The following KCNMB2 variants were observed in gnomAD, a reference collection of about 807,000 sequenced individuals.
KCNMB2 encodes the protein calcium-activated potassium channel subunit beta-2.
Under a neutral mutation model 24.5 loss-of-function variants are expected in KCNMB2, and 9 were observed. That is an observed-to-expected ratio of 0.37 (90% CI 0.22 to 0.64). The LOEUF is 0.64. Among genes scored for constraint, KCNMB2 ranks in the 30% least tolerant of loss-of-function variants. The pLI, the probability that KCNMB2 is intolerant of heterozygous loss-of-function variation, is 0.63. For missense variants in KCNMB2, 226 were observed against 284.3 expected (o/e 0.79, Z 1.47); for synonymous variants, 109 against 104.4 (o/e 1.04, Z -0.27).
At chr3:178,672,312 G>A (rs1038362475) in intron 1 of KCNMB2, among the ~76,000 whole-genome samples, 22 of 152,184 alleles carry the variant, frequency 1.4e-4, no homozygotes, top group Admixed American at 9.2e-4. Context: ...CCATCTTACA[G>A]ACAAGGAAAT....
chr3:178,594,391 T>C (rs764840957), intron 1 of KCNMB2, among the ~76,000 whole-genome samples: 4 of 152,036 alleles, frequency 2.6e-5, no homozygotes, highest in East Asian at 1.9e-4. Context: ...GCAGTGAAGA[T>C]GGTGGGAAGT....
At chr3:178,710,902 C>T (rs1469497868) in intron 1 of KCNMB2, among the ~76,000 whole-genome samples, 2 of 152,062 alleles carry the variant, frequency 1.3e-5, no homozygotes, top group Non-Finnish European at 2.9e-5. Context: ...TTACTCAACC[C>T]ACATTTAATA....
At position 178,577,515 on chromosome 3, in the gene KCNMB2, T is replaced by A. The variant is rs561599068; in HGVS notation, c.-68+40804T>A. On this transcript the variant is annotated intron_variant, in intron 1 of 4. Transcript: ENST00000452583. The stretch of plus-strand genomic sequence containing the variant: ...CAAGGGAACAAAAGTGGACAGAGAA[T>A]GAGTTTGATGAATTGACAGAAGTAG... Among the ~76,000 whole-genome samples the A allele has an allele frequency of 2.0e-5, 3 of 152,270 alleles. No individual in the cohort carries two copies. In the South Asian group the frequency reaches 6.2e-4, roughly 32 times the overall value.
At chr3:178,732,958 C>G (rs1437151825) in intron 1 of KCNMB2, among the ~76,000 whole-genome samples, 2 of 151,986 alleles carry the variant, frequency 1.3e-5, no homozygotes, top group Non-Finnish European at 2.9e-5. Context: ...GGATGAGGAG[C>G]AGTGATGGGG....
intron 4 of KCNMB2, among the ~76,000 whole-genome samples, chr3:178,836,882 C>T (rs1043429953): frequency 2.0e-5 from 3 of 152,032 alleles, no homozygotes; most frequent in African/African-American, 7.2e-5. Context: ...GTATATCTCA[C>T]TTAGTAAAGT....
rs114252823 is a variant in KCNMB2 at position 178,675,973 on chromosome 3, G to A, written c.-67-131370G>A. 5.8e-3 allele frequency among the ~76,000 whole-genome samples: 876 copies of A among 152,156 alleles called. 8 individuals carry two copies. The highest frequency in any genetic ancestry group is 0.018 in the African/African-American group (749 of 41,506). On this transcript the variant is annotated intron_variant, in intron 1 of 4. Transcript: ENST00000452583. ...TAATTGTTCAAAATACTTATTACCC[G>A]CACTCTGAAGATGAGAATACTGAGG... is the stretch of plus-strand genomic sequence containing the variant.
chr3:178,659,232 T>C (rs1013009739), intron 1 of KCNMB2, among the ~76,000 whole-genome samples: 1 of 152,244 alleles, frequency 6.6e-6, no homozygotes, highest in Admixed American at 6.5e-5. Flanking sequence ...ACAGAAGCAT[T>C]ATATTATGCA....
intron 1 of KCNMB2, among the ~76,000 whole-genome samples, chr3:178,613,652 T>C (rs964958816): frequency 6.6e-6 from 1 of 152,162 alleles, no homozygotes; most frequent in Admixed American, 6.5e-5. Flanking sequence ...TGCCACTCTC[T>C]CCTGCACTGT....
intron 1 of KCNMB2, among the ~76,000 whole-genome samples, chr3:178,740,767 G>A (rs1723469748): frequency 6.6e-6 from 1 of 152,118 alleles, no homozygotes; most frequent in South Asian, 2.1e-4. Context: ...CACACATGTT[G>A]AGCACCTGCC....
At chr3:178,552,793 G>A (rs1716002911) in intron 1 of KCNMB2, among the ~76,000 whole-genome samples, 1 of 152,136 alleles carries the variant, frequency 6.6e-6, no homozygotes, top group South Asian at 2.1e-4. Context: ...CAAAAGCAAT[G>A]TCCTAATAAG....
intron 1 of KCNMB2, among the ~76,000 whole-genome samples, chr3:178,721,493 A>G (rs982935601): frequency 2.6e-5 from 4 of 152,188 alleles, no homozygotes; most frequent in Non-Finnish European, 5.9e-5. Context: ...ATATTTCAAT[A>G]GTTGCAGTTT....
chr3:178,690,647 C>G (rs1577100289), intron 1 of KCNMB2, among the ~76,000 whole-genome samples: 1 of 152,228 alleles, frequency 6.6e-6, no homozygotes, highest in African/African-American at 2.4e-5. Flanking sequence ...GGAAAATTAG[C>G]CTTGGATTAT....
chr3:178,740,422 C>G (rs147004991), intron 1 of KCNMB2, among the ~76,000 whole-genome samples: 2 of 152,032 alleles, frequency 1.3e-5, no homozygotes, highest in Non-Finnish European at 2.9e-5. Flanking sequence ...GCCTGGCCCC[C>G]GTAAACATTT....
chr3:178,774,653 C>G (rs575358785), intron 1 of KCNMB2, among the ~76,000 whole-genome samples: 2 of 152,170 alleles, frequency 1.3e-5, no homozygotes, highest in African/African-American at 2.4e-5. Context: ...AGGGCACCCC[C>G]GCTCTGGACT....
intron 1 of KCNMB2, among the ~76,000 whole-genome samples, chr3:178,768,865 A>T (rs1243830592): frequency 6.6e-6 from 1 of 152,212 alleles, no homozygotes. Flanking sequence ...ATACTCATCA[A>T]TTCAGTGTAT....
At chr3:178,816,774 T>C (rs77470737) in intron 2 of KCNMB2, among the ~76,000 whole-genome samples, 1 of 152,152 alleles carries the variant, frequency 6.6e-6, no homozygotes, top group African/African-American at 2.4e-5. Flanking sequence ...TCTGTAGATG[T>C]CATTCTAGTT....
chr3:178,579,405 C>T (rs1411603771), intron 1 of KCNMB2, among the ~76,000 whole-genome samples: 2 of 152,096 alleles, frequency 1.3e-5, no homozygotes, highest in African/African-American at 4.8e-5. Flanking sequence ...TAAATGCCCA[C>T]AGGAGAAAGC....
At chr3:178,795,162 C>T (rs1577194455) in intron 1 of KCNMB2, 2 of 151,860 alleles carry the variant, frequency 1.3e-5, no homozygotes, top group East Asian at 1.9e-4. Context: ...GAGAAATGTA[C>T]TGAAAAAGTC....
chr3:178,821,662 C>T (rs987041991), intron 2 of KCNMB2, among the ~76,000 whole-genome samples: 3 of 152,122 alleles, frequency 2.0e-5, no homozygotes, highest in Admixed American at 1.3e-4. Flanking sequence ...GCAGAAGTCA[C>T]CTCTTTGGAT....
Sources: allele counts gnomAD v4.1 joint callset (sites outside exome capture counted in the v4.1 genomes callset), GRCh38; gene constraint gnomAD v4.1.1; transcripts MANE v1.5; gene names NCBI Gene and HGNC (gene_info 2026-07-23, HGNC 2026-07-21).